RXRA: variants seen among roughly 807,000 people sequenced by gnomAD.
RXRA encodes the protein retinoic acid receptor RXR-alpha.
Under a neutral mutation model 44.5 loss-of-function variants are expected in RXRA, and 5 were observed. The ratio of observed to expected loss-of-function variants is 0.11; its 90% CI spans 0.06 to 0.24. The LOEUF (loss-of-function observed/expected upper bound fraction) is 0.24, where lower values mean the gene tolerates loss of function less well. Ranked by LOEUF, RXRA falls within the 10% of genes least tolerant of loss-of-function variation. The probability of loss-of-function intolerance (pLI) is 1.00; values close to 1 mark genes in which losing one functional copy is unlikely to be tolerated. For synonymous variants in RXRA, 291 were observed against 271.4 expected (o/e 1.07, Z -0.71); for missense variants, 412 against 646.5 (o/e 0.64, Z 3.93).
chr9:134,379,537 C>T, intron 1 of RXRA: 1 of 985,966 alleles, frequency 1.0e-6, no homozygotes, highest in African/African-American at 1.7e-5. Context: ...GGCCGTGGCC[C>T]AGGGTCTTGG....
intron 1 of RXRA, among the ~76,000 whole-genome samples, chr9:134,340,420 A>C (rs535509577): frequency 1.6e-4 from 25 of 152,174 alleles, no homozygotes; most frequent in Non-Finnish European, 2.8e-4. Flanking sequence ...GAAGTGTCAC[A>C]GGGGTGATAA....
At chr9:134,420,693 A>G (rs796924239) in intron 5 of RXRA, among the ~76,000 whole-genome samples, 13 of 152,326 alleles carry the variant, frequency 8.5e-5, no homozygotes, top group African/African-American at 3.1e-4. Context: ...CCCGAATCCT[A>G]TTCACAGTCG....
intron 1 of RXRA, among the ~76,000 whole-genome samples, chr9:134,378,721 G>A (rs73554142): frequency 3.9e-5 from 6 of 152,174 alleles, no homozygotes; most frequent in South Asian, 2.1e-4. Context: ...CGTGCCGTCC[G>A]GTTGCTCCCA....
chr9:134,433,780 A>C lies in RXRA; in HGVS notation c.1136-322A>C, dbSNP rs1473938132. On this transcript the variant is annotated intron_variant, in intron 8 of 9. Coordinates refer to ENST00000481739, the MANE Select transcript of RXRA (RefSeq NM_002957.6). The surrounding 1 kb of genome is among the most constrained non-coding windows in gnomAD (Gnocchi z 4.2). ...CCCAGTTCCCAAGGCGGCTGGAAGG[A>C]AGGCAGCAGATCCCTGACACTTTAT... Among the ~76,000 whole-genome samples, 1 of 152,106 alleles carries C rather than the reference A, an allele frequency of 6.6e-6. No individual in the cohort carries two copies. Among genetic ancestry groups the C allele is most frequent in the Non-Finnish European group, 1.5e-5 (1 of 68,008 alleles).
chr9:134,348,513 TGG>T (rs35955778), intron 1 of RXRA, among the ~76,000 whole-genome samples: 52,545 of 151,944 alleles, frequency 0.35, 9,602 homozygotes, highest in African/African-American at 0.46. Context: ...CTGCTGCAGA[TGG>T]GGAGGCCAGT....
At chr9:134,371,212 T>C (rs1380161424) in intron 1 of RXRA, among the ~76,000 whole-genome samples, 1 of 152,114 alleles carries the variant, frequency 6.6e-6, no homozygotes, top group Non-Finnish European at 1.5e-5. Context: ...GGCTTGGGGC[T>C]GAGTGGGGTC....
intron 1 of RXRA, among the ~76,000 whole-genome samples, chr9:134,396,221 C>T (rs1830876607): frequency 6.6e-6 from 1 of 152,196 alleles, no homozygotes; most frequent in Non-Finnish European, 1.5e-5. Context: ...CCGGCATCTC[C>T]TGGGTTGGGC....
chr9:134,339,815 CTG>C (rs370094299), intron 1 of RXRA, among the ~76,000 whole-genome samples: 32,100 of 136,430 alleles, frequency 0.24, 3,638 homozygotes, highest in Middle Eastern at 0.29. Flanking sequence ...GTGTAAGCCT[CTG>C]TGTGTGTGTG....
intron 1 of RXRA, among the ~76,000 whole-genome samples, chr9:134,341,156 G>A (rs376266041): frequency 1.3e-5 from 2 of 152,168 alleles, no homozygotes; most frequent in African/African-American, 4.8e-5. Context: ...CGTGGGTGGT[G>A]GTACCTGGAG....
intron 1 of RXRA, among the ~76,000 whole-genome samples, chr9:134,345,754 T>A (rs1830142540): frequency 2.0e-5 from 3 of 152,208 alleles, no homozygotes. Flanking sequence ...AGCCGTGCCA[T>A]TGTCAGTGCA....
intron 3 of RXRA, 39 bp from the exon 4 acceptor site, chr9:134,408,901 G>T: frequency 2.1e-6 from 3 of 1,437,808 alleles, no homozygotes; most frequent in South Asian, 3.0e-5. Flanking sequence ...CTGCCGGGGC[G>T]GTGGGTGCTC....
rs996961846 is a variant in RXRA at position 134,424,434 on chromosome 9, C to T, written c.910+2629C>T. 5.1e-5 allele frequency: 50 copies of T among 985,464 alleles called. No homozygotes were observed. The African/African-American group carries it at 7.1e-4, about 14-fold the overall frequency. The allele number at this position is 985,464 out of a possible 1,614,324, so 61.0% of individuals were successfully genotyped here. A position where few individuals can be genotyped will look rare whatever the true frequency, so the allele number is the denominator to read the frequency against. On this transcript the variant is annotated intron_variant, in intron 6 of 9. Transcript: ENST00000481739. Reference sequence around the variant, plus strand: ...GGGCGCCCACTGAGGTCCTTGCTGACCTGTCTCCAGTGGGCCCTGCTCATG... The same window carrying T: ...GGGCGCCCACTGAGGTCCTTGCTGATCTGTCTCCAGTGGGCCCTGCTCATG...
chr9:134,428,969 C>G (rs1831483021), intron 6 of RXRA, 139 bp from the exon 7 acceptor site: 3 of 1,027,716 alleles, frequency 2.9e-6, no homozygotes, highest in South Asian at 3.1e-5. Flanking sequence ...CTGTGGAACA[C>G]TTCATGGGAT....
intron 5 of RXRA, among the ~76,000 whole-genome samples, chr9:134,419,447 C>T (rs895730192): frequency 1.3e-5 from 2 of 152,204 alleles, no homozygotes; most frequent in Admixed American, 6.5e-5. Flanking sequence ...TGTGCCCGCT[C>T]ACTCCCTGCT....
chr9:134,427,366 C>G (rs935540039), intron 6 of RXRA, among the ~76,000 whole-genome samples: 1 of 152,132 alleles, frequency 6.6e-6, no homozygotes, highest in African/African-American at 2.4e-5. Context: ...TGCCACCTGG[C>G]AGGGAGAGGG....
At chr9:134,328,745 A>ACAG (rs1834955128) in intron 1 of RXRA, among the ~76,000 whole-genome samples, 1 of 151,984 alleles carries the variant, frequency 6.6e-6, no homozygotes, top group South Asian at 2.1e-4. Context: ...CGGCTGGCCG[A>ACAG]CCGGTCAGAC....
intron 1 of RXRA, chr9:134,379,479 G>A (rs1454121865): frequency 1.0e-6 from 1 of 986,656 alleles, no homozygotes; most frequent in African/African-American, 1.7e-5. Context: ...GGGCCCCCAG[G>A]ACCGAGTCGC....
rs1376812699 is a variant in RXRA, at chr9:134,415,951, C to T, written c.611-1207C>T. On this transcript the variant is annotated intron_variant, in intron 4 of 9. Coordinates refer to ENST00000481739, the MANE Select transcript of RXRA (RefSeq NM_002957.6). Reference sequence around the variant, plus strand: ...TCTCTCTCAGCCATAGTTTTCTCACCGGTACAATGGGGTAATGTGAGTGCC... The same window carrying T: ...TCTCTCTCAGCCATAGTTTTCTCACTGGTACAATGGGGTAATGTGAGTGCC... Among the ~76,000 whole-genome samples the T allele has an allele frequency of 3.3e-5, 5 of 152,300 alleles. No homozygotes were observed. In the South Asian group the frequency reaches 6.2e-4, roughly 19 times the overall value.
Position 134,366,835 on chromosome 9 carries a change from A to G in RXRA, c.29-34797A>G, listed in dbSNP as rs1830420359. Among the ~76,000 whole-genome samples, 1 of 152,176 alleles carries G rather than the reference A, an allele frequency of 6.6e-6. No individual in the cohort carries two copies. Reference sequence around the variant, plus strand: ...CTGGGGACAAGGATTAGTGTGAGCAAAGACACAGGAGTCGGGGACACATCC... The same window carrying G: ...CTGGGGACAAGGATTAGTGTGAGCAGAGACACAGGAGTCGGGGACACATCC... On this transcript the variant is annotated intron_variant, in intron 1 of 9. Transcript: ENST00000481739. This position sits in a 1 kb window ranked among gnomAD's most constrained non-coding sequence, Gnocchi z 5.9.
Sources: allele counts gnomAD v4.1 joint callset (sites outside exome capture counted in the v4.1 genomes callset), GRCh38; gene constraint gnomAD v4.1.1; non-coding constraint Gnocchi (gnomAD v3.1); transcripts MANE v1.5; gene names NCBI Gene and HGNC (gene_info 2026-07-23, HGNC 2026-07-21).